The following CADM2 variants were observed in gnomAD, a reference collection of about 807,000 sequenced individuals.
The protein encoded by CADM2 is cell adhesion molecule 2.
In CADM2, 12 loss-of-function variants were observed where a neutral mutation model predicts 49.8. The ratio of observed to expected loss-of-function variants is 0.24; its 90% CI spans 0.15 to 0.39. CADM2 has a LOEUF of 0.39. Ranked by LOEUF, CADM2 falls within the 10% of genes least tolerant of loss-of-function variation. CADM2 has a pLI of 1.00. For synonymous variants in CADM2, 214 were observed against 175.4 expected (o/e 1.22, Z -1.74); for missense variants, 378 against 492.3 (o/e 0.77, Z 2.20).
At chr3:85,986,084 G>T (rs1247565948) in intron 8 of CADM2, among the ~76,000 whole-genome samples, 1 of 151,928 alleles carries the variant, frequency 6.6e-6, no homozygotes. Flanking sequence ...ATTAAACCAG[G>T]TTAAGAATCA....
intron 1 of CADM2, among the ~76,000 whole-genome samples, chr3:85,708,221 C>T (rs527796738): frequency 2.3e-4 from 35 of 152,258 alleles, no homozygotes; most frequent in African/African-American, 8.4e-4. Flanking sequence ...TTACCTTTTA[C>T]AGTCACCATA....
chr3:85,914,465 T>C (rs945828826), intron 6 of CADM2, among the ~76,000 whole-genome samples: 2 of 152,148 alleles, frequency 1.3e-5, no homozygotes. Flanking sequence ...TATAAAAAAT[T>C]GTGTAACAAT....
intron 1 of CADM2, among the ~76,000 whole-genome samples, chr3:85,330,352 T>C (rs2044882753): frequency 6.6e-6 from 1 of 152,184 alleles, no homozygotes; most frequent in African/African-American, 2.4e-5. Context: ...TCACACTTTT[T>C]TTCTATTGTT....
chr3:85,107,427 G>A (rs1237473869), intron 1 of CADM2, among the ~76,000 whole-genome samples: 1 of 151,962 alleles, frequency 6.6e-6, no homozygotes, highest in Non-Finnish European at 1.5e-5. Flanking sequence ...ACATTAGGAT[G>A]GCTATTGTAA....
At chr3:85,212,812 C>CTTTCTTTCTTTCTT (rs1275410284) in intron 1 of CADM2, among the ~76,000 whole-genome samples, 6 of 102,642 alleles carry the variant, frequency 5.8e-5, no homozygotes, top group African/African-American at 1.8e-4. Context: ...TCTTTTTCTT[C>CTTTCTTTCTTTCTT]TCTTTCTTTC....
At chr3:85,608,657 G>T (rs1485646100) in intron 1 of CADM2, among the ~76,000 whole-genome samples, 3 of 152,132 alleles carry the variant, frequency 2.0e-5, no homozygotes, top group South Asian at 4.1e-4. Flanking sequence ...TTATTTAAGA[G>T]ACTTCAAGGC....
Position 85,769,603 on chromosome 3 carries a change from TA to T in CADM2, c.89-32443del, listed in dbSNP as rs1326015714. Among the ~76,000 whole-genome samples the T allele has an allele frequency of 5.1e-5, 5 of 98,792 alleles. No homozygotes were observed. In the Admixed American group the frequency reaches 6.7e-4, roughly 13 times the overall value. The allele number at this position is 98,792 out of a possible 152,430, so 64.8% of individuals were successfully genotyped here. A position where few individuals can be genotyped will look rare whatever the true frequency, so the allele number is the denominator to read the frequency against. ...TATACATATATAGTATATACACATATATACATATATACATATATAGTATATA... is the reference window on the plus strand; with the variant it reads ...TATACATATATAGTATATACACATATTACATATATACATATATAGTATATA... On this transcript the variant is annotated intron_variant, in intron 2 of 9. Transcript: ENST00000383699.
rs570530750 is a variant in CADM2, at chr3:85,981,116, G to GA, written c.970+19478dup. On this transcript the variant is annotated intron_variant, in intron 8 of 9. Transcript: ENST00000383699. ...ATTACATGTGGTCTTCCGGTCTTTT[G>GA]AAAAAAAAATCCATAGTATTTTGCT... is the stretch of plus-strand genomic sequence containing the variant. 1.2e-4 allele frequency among the ~76,000 whole-genome samples: 18 copies of GA among 147,756 alleles called. No individual in the cohort carries two copies. The East Asian group carries it at 2.2e-3, about 18-fold the overall frequency.
chr3:85,491,509 T>A (rs2039671413), intron 1 of CADM2, among the ~76,000 whole-genome samples: 3 of 152,284 alleles, frequency 2.0e-5, no homozygotes, highest in African/African-American at 7.2e-5. Flanking sequence ...TGTGAGCGTA[T>A]ATGACATAAA....
At chr3:85,503,477 T>C (rs2040198326) in intron 1 of CADM2, among the ~76,000 whole-genome samples, 1 of 152,210 alleles carries the variant, frequency 6.6e-6, no homozygotes, top group African/African-American at 2.4e-5. Flanking sequence ...TTGTTTTGCA[T>C]TATTTTTCTT....
At chr3:85,421,490 A>T (rs2036169448) in intron 1 of CADM2, among the ~76,000 whole-genome samples, 1 of 152,128 alleles carries the variant, frequency 6.6e-6, no homozygotes, top group African/African-American at 2.4e-5. Flanking sequence ...GGAAACATTC[A>T]CTCTCTTATG....
intron 1 of CADM2, among the ~76,000 whole-genome samples, chr3:85,286,772 AT>A (rs1025159808): frequency 6.6e-6 from 1 of 152,236 alleles, no homozygotes; most frequent in Admixed American, 6.5e-5. Flanking sequence ...ATTGCATCCT[AT>A]TTTTTGGGTA....
intron 5 of CADM2, among the ~76,000 whole-genome samples, chr3:85,886,636 A>T (rs1021324275): frequency 2.6e-5 from 4 of 152,168 alleles, no homozygotes; most frequent in Non-Finnish European, 4.4e-5. Flanking sequence ...TCACAATAGT[A>T]CATATTAGAT....
intron 1 of CADM2, among the ~76,000 whole-genome samples, chr3:85,487,057 T>C (rs2039445635): frequency 6.6e-6 from 1 of 152,190 alleles, no homozygotes; most frequent in Non-Finnish European, 1.5e-5. Flanking sequence ...TTCTGAAATG[T>C]CAAACATCTT....
At chr3:85,467,623 ACT>A (rs533500270) in intron 1 of CADM2, among the ~76,000 whole-genome samples, 1,768 of 151,848 alleles carry the variant, frequency 0.012, 31 homozygotes, top group African/African-American at 0.041. Context: ...AAAAAAAAAC[ACT>A]CTGTTAACTT....
intron 3 of CADM2, among the ~76,000 whole-genome samples, chr3:85,839,970 A>G (rs912670111): frequency 2.7e-4 from 41 of 152,030 alleles, no homozygotes; most frequent in East Asian, 3.9e-4. Flanking sequence ...CATGTTCATT[A>G]ACGAGAATAA....
intron 1 of CADM2, among the ~76,000 whole-genome samples, chr3:85,700,497 A>G (rs2066720885): frequency 1.3e-5 from 2 of 152,178 alleles, no homozygotes; most frequent in South Asian, 4.1e-4. Flanking sequence ...AGTAAATAAA[A>G]TATATAAGTT....
intron 1 of CADM2, among the ~76,000 whole-genome samples, chr3:85,661,013 G>T (rs1025260583): frequency 6.6e-6 from 1 of 152,022 alleles, no homozygotes; most frequent in African/African-American, 2.4e-5. Context: ...GTGGTTAAAT[G>T]AGATTTTAAG....
chr3:85,507,484 C>T (rs886517318), intron 1 of CADM2, among the ~76,000 whole-genome samples: 2 of 151,942 alleles, frequency 1.3e-5, no homozygotes, highest in African/African-American at 4.8e-5. Context: ...CCACCATGCC[C>T]GGCCTTTTTA....
Sources: allele counts gnomAD v4.1 joint callset (sites outside exome capture counted in the v4.1 genomes callset), GRCh38; gene constraint gnomAD v4.1.1; transcripts MANE v1.5; gene names NCBI Gene and HGNC (gene_info 2026-07-23, HGNC 2026-07-21).